Variants in FANCB observed in about 807,000 individuals in gnomAD.
FANCB encodes the protein FA complementation group B, also known as Fanconi anemia group B protein.
In FANCB, 5 loss-of-function variants were observed where a neutral mutation model predicts 38.9. The observed-to-expected ratio is 0.13, with a 90% CI of 0.07 to 0.27. The LOEUF (loss-of-function observed/expected upper bound fraction) is 0.27, where lower values mean the gene tolerates loss of function less well. Ranked by LOEUF, FANCB falls within the 10% of genes least tolerant of loss-of-function variation. The pLI is 1.00. For missense variants in FANCB, 573 were observed against 602.7 expected (o/e 0.95, Z 0.52); for synonymous variants, 236 against 215.4 (o/e 1.10, Z -0.84).
chrX:14,723,547 T>A, the FANCB span, among the ~76,000 whole-genome samples: 1 of 112,115 alleles, frequency 8.9e-6, no homozygotes, highest in Non-Finnish European at 1.9e-5. Context: ...AAGCCAGTTA[T>A]GGCTCCCCTT....
chrX:14,779,165 A>T, the FANCB span, among the ~76,000 whole-genome samples: 1 of 111,411 alleles, frequency 9.0e-6, no homozygotes, highest in Non-Finnish European at 1.9e-5. Context: ...CAAAAATCAC[A>T]CTCTTCCCTG....
chrX:14,716,885 A>G, the FANCB span, among the ~76,000 whole-genome samples: 1 of 111,783 alleles, frequency 8.9e-6, no homozygotes, highest in East Asian at 2.8e-4. Context: ...TGATTTGCAC[A>G]TCGCCTTGTA....
the FANCB span, among the ~76,000 whole-genome samples, chrX:14,694,321 A>G: frequency 7.1e-5 from 8 of 111,941 alleles, no homozygotes; most frequent in East Asian, 2.2e-3. Flanking sequence ...CAGGTTAAAT[A>G]TATATATTCA....
chrX:14,722,487 T>A, the FANCB span, among the ~76,000 whole-genome samples: 5 of 111,191 alleles, frequency 4.5e-5, no homozygotes, highest in African/African-American at 1.6e-4. Flanking sequence ...CAAATTCTGT[T>A]GATTAGGAGC....
intron 5 of FANCB, among the ~76,000 whole-genome samples, chrX:14,853,860 C>A (rs769764099): frequency 8.9e-6 from 1 of 111,955 alleles, no homozygotes; most frequent in East Asian, 2.8e-4. Context: ...TAGTTTGCTA[C>A]TGAAAATTTA....
At chrX:14,800,651 T>A in the FANCB span, among the ~76,000 whole-genome samples, 2 of 112,101 alleles carry the variant, frequency 1.8e-5, no homozygotes, top group East Asian at 5.6e-4. Flanking sequence ...TTTCCTCTTG[T>A]ACGGAACCCA....
intron 3 of FANCB, 72 bp from the exon 4 acceptor site, chrX:14,859,406 T>C: frequency 1.3e-6 from 1 of 755,858 alleles, no homozygotes. Flanking sequence ...AATTAAGTCC[T>C]TTTGTTTCAT....
downstream of FANCB, among the ~76,000 whole-genome samples, chrX:14,838,409 T>A (rs769983320): frequency 1.4e-4 from 16 of 111,926 alleles, no homozygotes; most frequent in African/African-American, 5.2e-4. Context: ...ATAACACATG[T>A]GCTGCATGTT....
the FANCB span, among the ~76,000 whole-genome samples, chrX:14,785,453 C>T: frequency 8.9e-6 from 1 of 112,281 alleles, no homozygotes; most frequent in Non-Finnish European, 1.9e-5. Context: ...CAGGTAACTG[C>T]TTTCTCCAAG....
intron 3 of FANCB, among the ~76,000 whole-genome samples, chrX:14,864,040 C>T (rs2092457813): frequency 9.0e-6 from 1 of 110,987 alleles, no homozygotes; most frequent in African/African-American, 3.3e-5. Flanking sequence ...GAGGCTGAGG[C>T]AGGAGAACCG....
chrX:14,791,563 C>A, the FANCB span, among the ~76,000 whole-genome samples: 1 of 111,934 alleles, frequency 8.9e-6, no homozygotes, highest in Non-Finnish European at 1.9e-5. Flanking sequence ...TGTGTGAAAT[C>A]TGAGCATGGG....
At chrX:14,854,682 C>A (rs1266323778) in intron 5 of FANCB, among the ~76,000 whole-genome samples, 1 of 111,466 alleles carries the variant, frequency 9.0e-6, no homozygotes, top group East Asian at 2.8e-4. Flanking sequence ...ATTGTGATCT[C>A]TATCATACGT....
At chrX:14,814,318 G>C in the FANCB span, among the ~76,000 whole-genome samples, 58 of 111,904 alleles carry the variant, frequency 5.2e-4, 1 homozygote, top group Non-Finnish European at 2.1e-4. Context: ...AGCCAAAATT[G>C]ACAAATGGGA....
the FANCB span, among the ~76,000 whole-genome samples, chrX:14,724,607 C>T: frequency 9.8e-5 from 5 of 51,021 alleles, no homozygotes; most frequent in African/African-American, 4.2e-4. Context: ...ACCTGGGTGA[C>T]AAAAGCAAAA....
the FANCB span, among the ~76,000 whole-genome samples, chrX:14,806,333 C>G: frequency 8.9e-6 from 1 of 112,065 alleles, no homozygotes; most frequent in African/African-American, 3.2e-5. Flanking sequence ...GCCTTTGATT[C>G]CATTTTACAT....
At chrX:14,781,065 T>C in the FANCB span, among the ~76,000 whole-genome samples, 2 of 109,223 alleles carry the variant, frequency 1.8e-5, no homozygotes, top group African/African-American at 6.9e-5. Context: ...ACCAACAAAG[T>C]ATGTGTTGCT....
chrX:14,719,325 A>AAT, the FANCB span, among the ~76,000 whole-genome samples: 9 of 111,951 alleles, frequency 8.0e-5, no homozygotes, highest in Non-Finnish European at 1.3e-4. Context: ...CAATATCAAA[A>AAT]ATATACAAGG....
the FANCB span, among the ~76,000 whole-genome samples, chrX:14,711,085 G>A: frequency 8.9e-6 from 1 of 112,050 alleles, no homozygotes; most frequent in East Asian, 2.8e-4. Context: ...AAATATGAGT[G>A]AACTCAAAAG....
chrX:14,844,082 C>G (rs2092364842), intron 9 of FANCB, 101 bp from the exon 10 acceptor site: 4 of 681,163 alleles, frequency 5.9e-6, no homozygotes, highest in Non-Finnish European at 8.8e-6. Flanking sequence ...TTTATAAACA[C>G]CATAATGATA....
Sources: gnomAD v4.1 joint callset for allele counts (sites outside exome capture counted in the v4.1 genomes callset) on GRCh38, gnomAD v4.1.1 for gene constraint, MANE v1.5 for transcripts, NCBI Gene and HGNC (gene_info 2026-07-23, HGNC 2026-07-21) for gene names.